FRS2: variants seen among roughly 807,000 people sequenced by gnomAD.
FRS2 encodes fibroblast growth factor receptor substrate 2.
A neutral mutation model predicts 43.9 loss-of-function variants in FRS2; 8 were observed. That is an observed-to-expected ratio of 0.18 (90% CI 0.11 to 0.33). The LOEUF (loss-of-function observed/expected upper bound fraction) is 0.33, where lower values mean the gene tolerates loss of function less well. FRS2 is among the 10% of genes least tolerant of loss of function. FRS2 has a pLI of 1.00. For synonymous variants in FRS2, 219 were observed against 220.3 expected (o/e 0.99, Z 0.05); for missense variants, 534 against 627.6 (o/e 0.85, Z 1.59).
At chr12:69,490,828 C>G (rs1484484575) in intron 1 of FRS2, among the ~76,000 whole-genome samples, 2 of 152,078 alleles carry the variant, frequency 1.3e-5, no homozygotes, top group Non-Finnish European at 2.9e-5. Flanking sequence ...CTCTAGTAGC[C>G]TAGATTTTCA....
At chr12:69,473,423 C>T (rs1870487108) in intron 1 of FRS2, among the ~76,000 whole-genome samples, 2 of 152,020 alleles carry the variant, frequency 1.3e-5, no homozygotes, top group African/African-American at 4.8e-5. Flanking sequence ...TGAAGAAGGC[C>T]TTTCAAATAA....
intron 1 of FRS2, among the ~76,000 whole-genome samples, chr12:69,520,066 C>A (rs1308602817): frequency 6.6e-6 from 1 of 152,136 alleles, no homozygotes; most frequent in Non-Finnish European, 1.5e-5. Context: ...ACCTTGCCAA[C>A]ACGTTATTTC....
intron 3 of FRS2, among the ~76,000 whole-genome samples, chr12:69,561,304 A>T (rs1445305096): frequency 1.3e-5 from 2 of 152,070 alleles, no homozygotes; most frequent in Non-Finnish European, 2.9e-5. Flanking sequence ...ATTGAAGTTC[A>T]GAGTTGAAAT....
intron 1 of FRS2, among the ~76,000 whole-genome samples, chr12:69,513,305 T>A (rs1021780198): frequency 2.6e-5 from 4 of 152,136 alleles, no homozygotes; most frequent in African/African-American, 4.8e-5. Flanking sequence ...ATCACCTTTT[T>A]AAAAACTATG....
intron 1 of FRS2, among the ~76,000 whole-genome samples, chr12:69,498,856 T>G (rs1204349339): frequency 6.6e-6 from 1 of 152,156 alleles, no homozygotes; most frequent in Non-Finnish European, 1.5e-5. Flanking sequence ...GTGTGTAGGA[T>G]TATAAAGGAG....
chr12:69,540,436 T>G (rs957557374), intron 3 of FRS2, among the ~76,000 whole-genome samples: 20 of 151,236 alleles, frequency 1.3e-4, no homozygotes, highest in African/African-American at 4.6e-4. Flanking sequence ...GTGATCAAAG[T>G]TGGAATAATT....
chr12:69,476,770 G>C (rs12301667), intron 1 of FRS2, among the ~76,000 whole-genome samples: 3,141 of 129,998 alleles, frequency 0.024, 140 homozygotes, highest in African/African-American at 0.088. Context: ...GGGTGTGGGG[G>C]TGGGGAACTT....
chr12:69,477,364 T>C (rs1440874527), intron 1 of FRS2, among the ~76,000 whole-genome samples: 2 of 144,272 alleles, frequency 1.4e-5, no homozygotes, highest in African/African-American at 5.2e-5. Flanking sequence ...CACTGCAAGC[T>C]CCGCCTCTCC....
At chr12:69,540,395 G>T (rs486072) in intron 3 of FRS2, among the ~76,000 whole-genome samples, 14,066 of 150,194 alleles carry the variant, frequency 0.094, 861 homozygotes, top group Non-Finnish European at 0.14. Flanking sequence ...CTATGTCAAA[G>T]GGGCATAGGA....
chr12:69,566,299 A>G (rs772561849), intron 4 of FRS2, among the ~76,000 whole-genome samples: 2 of 152,182 alleles, frequency 1.3e-5, no homozygotes, highest in Non-Finnish European at 2.9e-5. Context: ...TTGAAGCAAA[A>G]GCCATACTGT....
intron 3 of FRS2, among the ~76,000 whole-genome samples, chr12:69,539,837 C>T (rs1469412836): frequency 1.3e-5 from 2 of 151,920 alleles, no homozygotes; most frequent in African/African-American, 4.8e-5. Flanking sequence ...CGCCTGTAAT[C>T]CCAGCTACTC....
At chr12:69,516,842 T>A (rs980310283) in intron 1 of FRS2, among the ~76,000 whole-genome samples, 4 of 152,224 alleles carry the variant, frequency 2.6e-5, no homozygotes, top group African/African-American at 7.2e-5. Flanking sequence ...TCTGCCACTT[T>A]TAAGATTTAT....
At chr12:69,514,497 G>A (rs533145597) in intron 1 of FRS2, among the ~76,000 whole-genome samples, 7 of 152,310 alleles carry the variant, frequency 4.6e-5, no homozygotes, top group Non-Finnish European at 7.4e-5. Flanking sequence ...TATCCTAGAT[G>A]TATGGGACAT....
intron 1 of FRS2, among the ~76,000 whole-genome samples, chr12:69,518,209 G>T (rs1008830183): frequency 3.9e-5 from 6 of 152,164 alleles, no homozygotes; most frequent in Non-Finnish European, 7.3e-5. Context: ...TTCTCAATTT[G>T]TTGGAAACTG....
intron 1 of FRS2, among the ~76,000 whole-genome samples, chr12:69,475,321 G>A (rs762802885): frequency 3.9e-5 from 6 of 152,100 alleles, no homozygotes; most frequent in Non-Finnish European, 8.8e-5. Flanking sequence ...ACAGGCACTT[G>A]GGAATGTCGA....
chr12:69,566,190 T>A (rs1880282322), intron 4 of FRS2, among the ~76,000 whole-genome samples: 1 of 152,146 alleles, frequency 6.6e-6, no homozygotes, highest in Non-Finnish European at 1.5e-5. Context: ...AGGTTCTACC[T>A]TAACAGGTAG....
intron 1 of FRS2, among the ~76,000 whole-genome samples, chr12:69,520,753 A>C (rs1440364770): frequency 1.3e-5 from 2 of 151,698 alleles, no homozygotes; most frequent in Middle Eastern, 3.4e-3. Context: ...TTTTTGCTTT[A>C]TCTTCTGTTC....
intron 1 of FRS2, among the ~76,000 whole-genome samples, chr12:69,486,585 T>C (rs1007715659): frequency 2.0e-5 from 3 of 152,216 alleles, no homozygotes; most frequent in Non-Finnish European, 4.4e-5. Context: ...CACACATCTC[T>C]CACTTTAAAT....
chr12:69,500,477 T>G (rs1369270356), intron 1 of FRS2, among the ~76,000 whole-genome samples: 1 of 152,142 alleles, frequency 6.6e-6, no homozygotes, highest in Non-Finnish European at 1.5e-5. Context: ...GAATATAAAT[T>G]AGTAAATGAA....
Sources: gnomAD v4.1 joint callset for allele counts (sites outside exome capture counted in the v4.1 genomes callset) on GRCh38, gnomAD v4.1.1 for gene constraint, MANE v1.5 for transcripts, NCBI Gene and HGNC (gene_info 2026-07-23, HGNC 2026-07-21) for gene names.